KCNA3: variants seen among roughly 807,000 people sequenced by gnomAD.
The protein encoded by KCNA3 is RP11-284N8.3.
A neutral mutation model predicts 34.3 loss-of-function variants in KCNA3; 18 were observed. The observed-to-expected ratio is 0.52, with a 90% CI of 0.36 to 0.78. The LOEUF (loss-of-function observed/expected upper bound fraction) is 0.78, where lower values mean the gene tolerates loss of function less well. Among genes scored for constraint, KCNA3 ranks in the 30% least tolerant of loss-of-function variants. The pLI, the probability that KCNA3 is intolerant of heterozygous loss-of-function variation, is 0.00. For synonymous variants in KCNA3, 324 were observed against 351.7 expected (o/e 0.92, Z 0.88); for missense variants, 587 against 802.5 (o/e 0.73, Z 3.24).
the KCNA3 span, among the ~76,000 whole-genome samples, chr1:110,665,945 C>G: frequency 2.0e-5 from 3 of 152,138 alleles, no homozygotes; most frequent in Admixed American, 6.5e-5. Context: ...GGGGTGAGAG[C>G]CTTTTGGAGC....
downstream of KCNA3, among the ~76,000 whole-genome samples, chr1:110,672,291 T>C (rs560398485): frequency 1.3e-5 from 2 of 152,350 alleles, no homozygotes; most frequent in South Asian, 2.1e-4. Flanking sequence ...ATCTCTCAGA[T>C]GCATTAGGAA....
chr1:110,665,028 G>C, the KCNA3 span, among the ~76,000 whole-genome samples: 1 of 152,234 alleles, frequency 6.6e-6, no homozygotes, highest in Non-Finnish European at 1.5e-5. Context: ...TCAAGTGGGA[G>C]AGGAGTTGGA....
chr1:110,673,352 G>A lies in KCNA3; in HGVS notation c.1458C>T (p.Phe486=), dbSNP rs746079994. Residue 486 remains phenylalanine (F), a synonymous_variant, in exon 1 of 1, where the codon TTC becomes TTT. Transcript: ENST00000369769. This position sits in a 1 kb window ranked among gnomAD's most constrained non-coding sequence, Gnocchi z 8.8. ...CTTCCCCTTCTGTCTCCCGGTGGTA[G>A]AAGTAATTGAAGTTGGAAACAATCA... is the stretch of plus-strand genomic sequence containing the variant. The part of the protein sequence containing the change: ...VPVIVSNFNY[F]YHRETEGEEQ... The A allele has an allele frequency of 2.0e-5, 32 of 1,614,018 alleles. No homozygotes were observed. Among genetic ancestry groups the A allele is most frequent in the Non-Finnish European group, 2.6e-5 (31 of 1,180,036 alleles).
chr1:110,654,097 T>C, the KCNA3 span: 7 of 152,140 alleles, frequency 4.6e-5, no homozygotes, highest in Non-Finnish European at 7.4e-5. Context: ...AAATGTACTA[T>C]TGTGTCATGA....
the KCNA3 span, among the ~76,000 whole-genome samples, chr1:110,665,587 G>C: frequency 6.6e-6 from 1 of 152,150 alleles, no homozygotes; most frequent in Non-Finnish European, 1.5e-5. Flanking sequence ...ACGTCACGTA[G>C]GCAGGTGGAA....
At chr1:110,670,626 C>T (rs2640480), downstream of KCNA3, among the ~76,000 whole-genome samples, 1 of 152,000 alleles carries the variant, frequency 6.6e-6, no homozygotes, top group Non-Finnish European at 1.5e-5. Context: ...GGGTACCAAA[C>T]GTTTGGTCAA....
At chr1:110,662,132 AAAAAT>A in the KCNA3 span, among the ~76,000 whole-genome samples, 11 of 150,562 alleles carry the variant, frequency 7.3e-5, no homozygotes, top group Non-Finnish European at 1.6e-4. Context: ...AAAAAAAAAA[AAAAAT>A]TCAGAATGTC....
chr1:110,654,771 A>AT, the KCNA3 span: 1 of 152,194 alleles, frequency 6.6e-6, no homozygotes, highest in Non-Finnish European at 1.5e-5. Context: ...CAGTGACAGG[A>AT]TAAAAATAAC....
chr1:110,673,097 T>C lies in KCNA3; in HGVS notation c.1713A>G (p.Ile571Met), dbSNP rs994008309. ...GTATCACATATTAAACATCGGTGAA[T>C]ATCTTTTTGATGTTGACACAAGAGT... ...NPNSCVNIKK[I>M]FTDV The change falls in exon 1 of 1, where the codon ATA (isoleucine) becomes ATG (methionine). Residue 571 changes from isoleucine to methionine, a missense_variant. Physicochemically the swap from Ile to Met is conservative, Grantham distance 10. Coordinates refer to ENST00000369769, the MANE Select transcript of KCNA3 (RefSeq NM_002232.5). The surrounding 1 kb of genome is among the most constrained non-coding windows in gnomAD (Gnocchi z 8.8). The C allele has an allele frequency of 5.6e-6, 9 of 1,611,108 alleles. No individual in the cohort carries two copies. In the African/African-American group the frequency reaches 1.2e-4, roughly 22 times the overall value.
At chr1:110,664,928 G>A in the KCNA3 span, among the ~76,000 whole-genome samples, 1 of 152,126 alleles carries the variant, frequency 6.6e-6, no homozygotes, top group East Asian at 1.9e-4. Context: ...ATCCCAGGCA[G>A]GGAGAACAAT....
At chr1:110,667,431 T>C in the KCNA3 span, among the ~76,000 whole-genome samples, 7 of 152,210 alleles carry the variant, frequency 4.6e-5, no homozygotes, top group African/African-American at 1.7e-4. Context: ...GACCCCTGTA[T>C]CTGCAAAGTC....
the KCNA3 span, among the ~76,000 whole-genome samples, chr1:110,657,207 C>A: frequency 6.6e-6 from 1 of 151,958 alleles, no homozygotes; most frequent in Non-Finnish European, 1.5e-5. Context: ...TCACCATGCC[C>A]AGCTAATTTT....
At chr1:110,666,631 C>G in the KCNA3 span, among the ~76,000 whole-genome samples, 2 of 152,176 alleles carry the variant, frequency 1.3e-5, 1 homozygote, top group East Asian at 3.9e-4. Context: ...AAAGATCATT[C>G]TGGCTACCAG....
At chr1:110,659,806 A>G in the KCNA3 span, among the ~76,000 whole-genome samples, 1 of 152,050 alleles carries the variant, frequency 6.6e-6, no homozygotes, top group Non-Finnish European at 1.5e-5. Flanking sequence ...AAAGCTGGAA[A>G]CCATCATTCT....
chr1:110,673,282 A>T lies in KCNA3; in HGVS notation c.1528T>A (p.Ser510Thr). ...GCTTTTCGGAGCTCCTCGGCTGAAG[A>T]GGAGAGGTGCTGGCAACTTCCCACG... ...MHVGSCQHLS[S>T]SAEELRKARS... is the part of the protein sequence containing the mutation. Residue 510 changes from serine (S) to threonine (T), a missense_variant, in exon 1 of 1, where the codon TCT (serine) becomes ACT (threonine). By Grantham distance (58) the Ser-to-Thr change is moderately conservative. This residue lies in a region of KCNA3 where 95 missense variants were observed against 107.3 expected (regional missense o/e 0.89). Coordinates refer to ENST00000369769, the MANE Select transcript of KCNA3 (RefSeq NM_002232.5). This position sits in a 1 kb window ranked among gnomAD's most constrained non-coding sequence, Gnocchi z 8.8. 4 of 1,613,912 alleles carry T rather than the reference A, an allele frequency of 2.5e-6. No individual in the cohort carries two copies. Among genetic ancestry groups the T allele is most frequent in the Non-Finnish European group, 3.4e-6 (4 of 1,179,994 alleles).
At chr1:110,672,048 A>G (rs1651909696), downstream of KCNA3, among the ~76,000 whole-genome samples, 1 of 152,216 alleles carries the variant, frequency 6.6e-6, no homozygotes, top group Non-Finnish European at 1.5e-5. Flanking sequence ...GCTTATTCAA[A>G]CAGTGGTTTT....
At chr1:110,659,006 C>T in the KCNA3 span, among the ~76,000 whole-genome samples, 3 of 152,052 alleles carry the variant, frequency 2.0e-5, no homozygotes, top group Non-Finnish European at 2.9e-5. Flanking sequence ...GTCTTTAATA[C>T]CATTCATTTG....
the KCNA3 span, among the ~76,000 whole-genome samples, chr1:110,665,852 T>C: frequency 5.3e-5 from 8 of 152,192 alleles, 1 homozygote; most frequent in South Asian, 1.7e-3. Context: ...CAAATTGAAA[T>C]GAGAACTGAG....
chr1:110,674,195 C>A lies in KCNA3; in HGVS notation c.615G>T (p.Arg205=). ...EKFREDEGFL[R]EEERPLPRRD... The stretch of plus-strand genomic sequence containing the variant: ...GGCGGGGCAAGGGCCGCTCCTCCTC[C>A]CGCAGGAAGCCCTCGTCCTCGCGGA... Residue 205 remains arginine (R), a synonymous_variant, in exon 1 of 1, where the codon CGG becomes CGT. Transcript: ENST00000369769. This position sits in a 1 kb window ranked among gnomAD's most constrained non-coding sequence, Gnocchi z 6.4. 1 of 1,612,912 alleles carries A rather than the reference C, an allele frequency of 6.2e-7. No homozygotes were observed. Among genetic ancestry groups the A allele is most frequent in the Non-Finnish European group, 8.5e-7 (1 of 1,179,300 alleles).
Sources: gnomAD v4.1 joint callset for allele counts (sites outside exome capture counted in the v4.1 genomes callset) on GRCh38, gnomAD v4.1.1 for gene constraint, gnomAD v4.1.1 regional missense constraint, Gnocchi (gnomAD v3.1) non-coding constraint, MANE v1.5 for transcripts, NCBI Gene and HGNC (gene_info 2026-07-23, HGNC 2026-07-21) for gene names.